Variants in ISL1 observed in about 807,000 individuals in gnomAD.
ISL1 encodes the protein ISL LIM homeobox 1.
In ISL1, 4 loss-of-function variants were observed where a neutral mutation model predicts 35.3. That is an observed-to-expected ratio of 0.11 (90% CI 0.06 to 0.26). The LOEUF is 0.26. Among genes scored for constraint, ISL1 ranks in the 10% least tolerant of loss-of-function variants. The probability of loss-of-function intolerance (pLI) is 1.00; values close to 1 mark genes in which losing one functional copy is unlikely to be tolerated. For synonymous variants in ISL1, 186 were observed against 172.3 expected, an observed-to-expected ratio of 1.08 and a Z score of -0.62; for missense variants, 340 against 472.8, an observed-to-expected ratio of 0.72 and a Z score of 2.60.
At chr5:51,386,987 G>A (rs958898041) in intron 2 of ISL1, among the ~76,000 whole-genome samples, 2 of 152,034 alleles carry the variant, frequency 1.3e-5, no homozygotes, top group African/African-American at 2.4e-5. Flanking sequence ...TTTTTTCTTG[G>A]AAGGAGGACT....
Position 51,394,538 on chromosome 5 carries a change from T to A in ISL1, c.*928T>A, listed in dbSNP as rs1747593124. On this transcript the variant is annotated 3_prime_UTR_variant, in exon 6 of 6. Transcript: ENST00000230658. The stretch of plus-strand genomic sequence containing the variant: ...TTGTCGGAAGACTTGCCACTTTTCA[T>A]GTCATTTGACATTTTTTGTTTGCTG... The A allele has an allele frequency of 6.6e-6, 1 of 152,616 alleles. No individual in the cohort carries two copies. Among genetic ancestry groups the A allele is most frequent in the African/African-American group, 2.4e-5 (1 of 41,456 alleles). The allele number at this position is 152,616 out of a possible 1,614,324, so 9.5% of individuals were successfully genotyped here.
chr5:51,385,581 G>GTT (rs11404847), intron 2 of ISL1, among the ~76,000 whole-genome samples: 233 of 148,638 alleles, frequency 1.6e-3, no homozygotes, highest in African/African-American at 2.7e-3. Flanking sequence ...GAGAGTTTTT[G>GTT]TTTTTTTTTT....
At chr5:51,386,346 T>A (rs1406926479) in intron 2 of ISL1, 2 of 294,382 alleles carry the variant, frequency 6.8e-6, no homozygotes, top group African/African-American at 4.4e-5. Flanking sequence ...GAACTAATCA[T>A]TTTTACCTTC....
At position 51,394,590 on chromosome 5, in the gene ISL1, A is replaced by C. The variant is rs1431996703; in HGVS notation, c.*980A>C. Reference sequence around the variant, plus strand: ...AGTGAAAAAAAAAGATAAAGGTTGTACGGTGGTCTTTGAATTATATGTCTA... The same window carrying C: ...AGTGAAAAAAAAAGATAAAGGTTGTCCGGTGGTCTTTGAATTATATGTCTA... On this transcript the variant is annotated 3_prime_UTR_variant, in exon 6 of 6. Coordinates refer to ENST00000230658, the MANE Select transcript of ISL1 (RefSeq NM_002202.3). 1 of 152,580 alleles carries C rather than the reference A, an allele frequency of 6.6e-6. No individual in the cohort carries two copies. Among genetic ancestry groups the C allele is most frequent in the Non-Finnish European group, 1.5e-5 (1 of 68,028 alleles). 9.5% of individuals were successfully genotyped at this position (152,580 alleles called of 1,614,324 possible). A position where few individuals can be genotyped will look rare whatever the true frequency, so the allele number is the denominator to read the frequency against.
Position 51,393,532 on chromosome 5 carries a change from T to C in ISL1, c.972T>C (p.Thr324=). 6.2e-7 allele frequency: 1 copy of C among 1,614,012 alleles called. No homozygotes were observed. The highest frequency in any genetic ancestry group is 8.5e-7 in the Non-Finnish European group (1 of 1,179,852). ...AAGGAGGACCGGGCTCTAATTCCAC[T>C]GGCAGTGAAGTAGCATCAATGTCCT... The part of the protein sequence containing the change: ...FSEGGPGSNS[T]GSEVASMSSQ... Residue 324 remains threonine (T), a synonymous_variant, in exon 6 of 6, where the codon ACT becomes ACC. Coordinates refer to ENST00000230658, the MANE Select transcript of ISL1 (RefSeq NM_002202.3).
In ISL1 at chr5:51,387,840, G is replaced by A; in HGVS notation, c.478+91G>A. The A allele has an allele frequency of 3.3e-6, 5 of 1,527,560 alleles. No homozygotes were observed. Among genetic ancestry groups the A allele is most frequent in the South Asian group, 1.2e-5 (1 of 86,186 alleles). The allele number at this position is 1,527,560 out of a possible 1,614,324, so 94.6% of individuals were successfully genotyped here. A position where few individuals can be genotyped will look rare whatever the true frequency, so the allele number is the denominator to read the frequency against. On this transcript the variant is annotated intron_variant, in intron 3 of 5. Transcript: ENST00000230658. This position sits in a 1 kb window ranked among gnomAD's most constrained non-coding sequence, Gnocchi z 4.3. ...AACAACTATGGTAGCTACAGGGGTG[G>A]TCGTAGTGTTTGCCTGCAGTTAAAT... is the stretch of plus-strand genomic sequence containing the variant.
At chr5:51,384,410 AAAAAAAAAG>A in intron 1 of ISL1, 122 bp from the exon 2 acceptor site, 1 of 787,646 alleles carries the variant, frequency 1.3e-6, no homozygotes, top group Non-Finnish European at 2.0e-6. Flanking sequence ...CTCTAAAAAA[AAAAAAAAAG>A]AAAGAAAGAA....
intron 2 of ISL1, among the ~76,000 whole-genome samples, chr5:51,385,984 G>T (rs1747333108): frequency 6.6e-6 from 1 of 152,070 alleles, no homozygotes; most frequent in African/African-American, 2.4e-5. Context: ...AAATTAACCT[G>T]GTTGGGGGAG....
At position 51,387,473 on chromosome 5, in the gene ISL1, C is replaced by T. The variant is rs749734040; in HGVS notation, c.219-17C>T. 2 of 1,613,560 alleles carry T rather than the reference C, an allele frequency of 1.2e-6. No homozygotes were observed. The highest frequency in any genetic ancestry group is 1.1e-5 in the South Asian group (1 of 90,960). Reference sequence around the variant, plus strand: ...TCCCCGCTCTGGGCCGCCTCCGCTCCCCCCTCCCCCGCACAGGTTGTACGG... The same window carrying T: ...TCCCCGCTCTGGGCCGCCTCCGCTCTCCCCTCCCCCGCACAGGTTGTACGG... On this transcript the variant is annotated splice_polypyrimidine_tract_variant and intron_variant, in intron 2 of 5. Coordinates refer to ENST00000230658, the MANE Select transcript of ISL1 (RefSeq NM_002202.3). The surrounding 1 kb of genome is among the most constrained non-coding windows in gnomAD (Gnocchi z 4.3).
Position 51,389,649 on chromosome 5 carries a change from A to T in ISL1, c.482A>T (p.Glu161Val). The change falls in exon 4 of 6, where the codon GAG (glutamate) becomes GTG (valine). Residue 161 changes from glutamate to valine, a missense_variant. By Grantham distance (121) the Glu-to-Val change is moderately radical. Around this residue, in one of 7 missense-constraint regions of ISL1, gnomAD observed 94 missense variants for 102.1 expected, o/e 0.92. Coordinates refer to ENST00000230658, the MANE Select transcript of ISL1 (RefSeq NM_002202.3). The surrounding 1 kb of genome is among the most constrained non-coding windows in gnomAD (Gnocchi z 5.0). ...CACGGCGCTCCTTGCCCCGCAGCGG[A>T]GCCCATCTCCGCCAGGCAGCCAGCC... ...HPARPLQMAA[E>V]PISARQPALR... 4.4e-6 allele frequency: 7 copies of T among 1,608,372 alleles called. No individual in the cohort carries two copies. Among genetic ancestry groups the T allele is most frequent in the Non-Finnish European group, 5.9e-6 (7 of 1,179,322 alleles).
At chr5:51,384,783 C>T (rs1368161313) in intron 2 of ISL1, 53 bp downstream of exon 2, 25 of 1,492,082 alleles carry the variant, frequency 1.7e-5, no homozygotes, top group Non-Finnish European at 2.3e-5. Context: ...TGAATCTCCC[C>T]ACTCTTTATG....
chr5:51,387,825 G>A lies in ISL1; in HGVS notation c.478+76G>A. The A allele has an allele frequency of 1.3e-6, 2 of 1,567,606 alleles. No individual in the cohort carries two copies. The highest frequency in any genetic ancestry group is 2.3e-5 in the East Asian group (1 of 43,494). Reference sequence around the variant, plus strand: ...TGTGCCAGCGGCCACAACAACTATGGTAGCTACAGGGGTGGTCGTAGTGTT... The same window carrying A: ...TGTGCCAGCGGCCACAACAACTATGATAGCTACAGGGGTGGTCGTAGTGTT... On this transcript the variant is annotated intron_variant, in intron 3 of 5. Coordinates refer to ENST00000230658, the MANE Select transcript of ISL1 (RefSeq NM_002202.3). This position sits in a 1 kb window ranked among gnomAD's most constrained non-coding sequence, Gnocchi z 4.3.
At chr5:51,384,779 T>TC in intron 2 of ISL1, 49 bp downstream of exon 2, 1 of 1,506,808 alleles carries the variant, frequency 6.6e-7, no homozygotes, top group Non-Finnish European at 9.2e-7. Flanking sequence ...TCCCTGAATC[T>TC]CCCCACTCTT....
chr5:51,384,900 T>C (rs1248411802), intron 2 of ISL1, among the ~76,000 whole-genome samples, 170 bp downstream of exon 2: 8 of 152,206 alleles, frequency 5.3e-5, no homozygotes. Context: ...TGCTGTTCAT[T>C]TCATTCTTTA....
intron 2 of ISL1, among the ~76,000 whole-genome samples, chr5:51,385,478 T>G (rs1747321431): frequency 6.6e-6 from 1 of 152,198 alleles, no homozygotes; most frequent in Non-Finnish European, 1.5e-5. Flanking sequence ...CTTTCTCACA[T>G]TAAAATCTGG....
In ISL1 at chr5:51,393,727, T is replaced by C; in HGVS notation, c.*117T>C. ...AATGAAAACTGAATCAAGAAATGAA[T>C]GCTCCATGAAATGCACGAAGTCTGT... On this transcript the variant is annotated 3_prime_UTR_variant, in exon 6 of 6. Transcript: ENST00000230658. 1.3e-6 allele frequency: 1 copy of C among 767,602 alleles called. No individual in the cohort carries two copies. Among genetic ancestry groups the C allele is most frequent in the Non-Finnish European group, 2.4e-6 (1 of 420,878 alleles). The allele number at this position is 767,602 out of a possible 1,614,324, so 47.5% of individuals were successfully genotyped here.
At position 51,389,552 on chromosome 5, in the gene ISL1, GGCGGGCAAGCGAGCGAGCGAGCGA is replaced by G. The variant is rs1747432335; in HGVS notation, c.479-90_479-67del. On this transcript the variant is annotated intron_variant, in intron 3 of 5. Transcript: ENST00000230658. This position sits in a 1 kb window ranked among gnomAD's most constrained non-coding sequence, Gnocchi z 5.0. Reference sequence around the variant, plus strand: ...GGGCGAGCAAGTAAGCGGGCGGGCGGGCGGGCAAGCGAGCGAGCGAGCGAGCGCGCGACCGCGGGCGGGCCGGCA... The same window carrying G: ...GGGCGAGCAAGTAAGCGGGCGGGCGGGCGCGCGACCGCGGGCGGGCCGGCA... 1.7e-6 allele frequency: 2 copies of G among 1,143,308 alleles called. No individual in the cohort carries two copies. The highest frequency in any genetic ancestry group is 2.3e-6 in the Non-Finnish European group (2 of 879,730). The allele number at this position is 1,143,308 out of a possible 1,614,324, so 70.8% of individuals were successfully genotyped here.
At chr5:51,388,244 T>C (rs948870445) in intron 3 of ISL1, among the ~76,000 whole-genome samples, 1 of 146,448 alleles carries the variant, frequency 6.8e-6, no homozygotes, top group Non-Finnish European at 1.5e-5. Flanking sequence ...ACACTCGAAA[T>C]TTTTTTTTTA....
At chr5:51,390,313 C>G (rs73095550) in intron 4 of ISL1, among the ~76,000 whole-genome samples, 1 of 152,190 alleles carries the variant, frequency 6.6e-6, no homozygotes, top group Non-Finnish European at 1.5e-5. Flanking sequence ...CAGTTCCTCA[C>G]GTACACAAGA....
Sources: gnomAD v4.1 joint callset for allele counts (sites outside exome capture counted in the v4.1 genomes callset) on GRCh38, gnomAD v4.1.1 for gene constraint, gnomAD v4.1.1 regional missense constraint, Gnocchi (gnomAD v3.1) non-coding constraint, MANE v1.5 for transcripts, NCBI Gene and HGNC (gene_info 2026-07-23, HGNC 2026-07-21) for gene names.